The following VWA8 variants were observed in gnomAD, a reference collection of about 807,000 sequenced individuals.
VWA8 encodes the protein von Willebrand factor A domain-containing protein 8.
Under a neutral mutation model 241.5 loss-of-function variants are expected in VWA8, and 221 were observed. The ratio of observed to expected loss-of-function variants is 0.91; its 90% CI spans 0.82 to 1.02. The LOEUF is 1.02. VWA8 is among the 50% of genes least tolerant of loss of function. The pLI, the probability that VWA8 is intolerant of heterozygous loss-of-function variation, is 0.00. For missense variants in VWA8, 2,322 were observed against 2,328.7 expected (o/e 1.00, Z 0.06); for synonymous variants, 852 against 827.1 (o/e 1.03, Z -0.52).
intron 3 of VWA8, among the ~76,000 whole-genome samples, chr13:41,911,283 C>T (rs560093839): frequency 1.5e-4 from 23 of 152,128 alleles, no homozygotes; most frequent in African/African-American, 5.1e-4. Context: ...AGGCTGGTCT[C>T]GAACTCCTGA....
chr13:41,747,079 G>A (rs1410999398), intron 21 of VWA8, among the ~76,000 whole-genome samples: 3 of 152,108 alleles, frequency 2.0e-5, no homozygotes, highest in South Asian at 2.1e-4. Context: ...TTGGCAATGC[G>A]GGCTCTTTTT....
chr13:41,730,635 TGAAAA>T (rs1432192672), intron 22 of VWA8, among the ~76,000 whole-genome samples: 1 of 152,066 alleles, frequency 6.6e-6, no homozygotes. Context: ...GGTGACATCA[TGAAAA>T]GAAAGATGAA....
intron 21 of VWA8, among the ~76,000 whole-genome samples, chr13:41,746,875 A>G (rs1041315725): frequency 6.6e-5 from 10 of 151,990 alleles, no homozygotes; most frequent in African/African-American, 1.7e-4. Context: ...GATTGTAACA[A>G]TTGGTTTGAC....
intron 34 of VWA8, among the ~76,000 whole-genome samples, chr13:41,689,033 A>C (rs1440279426): frequency 6.6e-6 from 1 of 152,060 alleles, no homozygotes; most frequent in Non-Finnish European, 1.5e-5. Flanking sequence ...AACTTTAAAA[A>C]ATTATAGAAG....
intron 21 of VWA8, among the ~76,000 whole-genome samples, chr13:41,758,398 G>A (rs1162926570): frequency 2.6e-3 from 64 of 24,988 alleles, no homozygotes; most frequent in African/African-American, 4.1e-3. Context: ...ATATACGCTA[G>A]TATATATATA....
intron 17 of VWA8, chr13:41,807,820 C>A (rs1317396725): frequency 6.6e-6 from 1 of 152,098 alleles, no homozygotes. Context: ...TGGTAATCTC[C>A]CAGGAGCGGG....
At chr13:41,613,016 G>C (rs766125720) in intron 38 of VWA8, among the ~76,000 whole-genome samples, 3 of 152,084 alleles carry the variant, frequency 2.0e-5, no homozygotes, top group Non-Finnish European at 4.4e-5. Flanking sequence ...ATTAAACAAA[G>C]CCTAGTTACA....
intron 2 of VWA8, among the ~76,000 whole-genome samples, chr13:41,914,503 TCAAGA>T (rs1277956031): frequency 6.6e-6 from 1 of 152,196 alleles, no homozygotes; most frequent in Non-Finnish European, 1.5e-5. Context: ...CTTTCTTGCT[TCAAGA>T]CAAGTCAGCC....
At position 41,692,926 on chromosome 13, in the gene VWA8, C is replaced by T. The variant is rs368531097; in HGVS notation, c.3611G>A (p.Arg1204His). Residue 1204 changes from arginine (R) to histidine (H), a missense_variant, in exon 30 of 45, where the codon CGT (arginine) becomes CAT (histidine). Transcript: ENST00000379310. Reference sequence around the variant, plus strand: ...AAACTTCTCGGAAGGGAGGATGAGACGATGAAGGGCCCGGCCAGTAGTATC... The same window carrying T: ...AAACTTCTCGGAAGGGAGGATGAGATGATGAAGGGCCCGGCCAGTAGTATC... ...LLDTTGRALHRLILPSEKFTS... is the reference protein window; with the variant it reads ...LLDTTGRALHHLILPSEKFTS... 7.5e-6 allele frequency: 12 copies of T among 1,610,446 alleles called. No individual in the cohort carries two copies. The highest frequency in any genetic ancestry group is 2.2e-5 in the East Asian group (1 of 44,738).
chr13:41,570,511 C>A lies in VWA8; in HGVS notation c.5566G>T (p.Ala1856Ser). ...QILTRDPQVN[A>S]FAIFIGSLGD... ...AAAGAGCCAATAAAAATGGCAAAAG[C>A]ATTTACTTGAGGGTCTCTTGTGAGG... The change falls in exon 44 of 45, where the codon GCT (alanine) becomes TCT (serine). Residue 1856 changes from alanine to serine, a missense_variant. Ala to Ser is a moderately conservative substitution (Grantham distance 99). Transcript: ENST00000379310. 1 of 1,614,180 alleles carries A rather than the reference C, an allele frequency of 6.2e-7. No individual in the cohort carries two copies. The highest frequency in any genetic ancestry group is 8.5e-7 in the Non-Finnish European group (1 of 1,180,024).
intron 26 of VWA8, 100 bp from the exon 27 acceptor site, chr13:41,703,511 G>A (rs1372526369): frequency 6.1e-6 from 6 of 978,308 alleles, no homozygotes; most frequent in Non-Finnish European, 9.4e-6. Context: ...TAAATTTGAA[G>A]AGTGCTTTAC....
Position 41,567,805 on chromosome 13 carries a change from C to T in VWA8, c.*392G>A, listed in dbSNP as rs2044271058. The T allele has an allele frequency of 6.2e-6, 1 of 161,102 alleles. No individual in the cohort carries two copies. Among genetic ancestry groups the T allele is most frequent in the African/African-American group, 2.4e-5 (1 of 41,742 alleles). 10.0% of individuals were successfully genotyped at this position (161,102 alleles called of 1,614,324 possible). On this transcript the variant is annotated 3_prime_UTR_variant, in exon 45 of 45. Coordinates refer to ENST00000379310, the MANE Select transcript of VWA8 (RefSeq NM_015058.2). ...TTGTGTCAGAATGTGACATCAAAGG[C>T]TCAGTTTGATGGGGTCACTTTTCTA...
At chr13:41,863,028 A>G (rs1873076127) in intron 12 of VWA8, among the ~76,000 whole-genome samples, 1 of 152,154 alleles carries the variant, frequency 6.6e-6, no homozygotes, top group South Asian at 2.1e-4. Flanking sequence ...GATGCAAAGT[A>G]TTGATCCTGG....
intron 41 of VWA8, among the ~76,000 whole-genome samples, 173 bp downstream of exon 41, chr13:41,590,467 T>C (rs2044446733): frequency 6.6e-6 from 1 of 152,008 alleles, no homozygotes; most frequent in Non-Finnish European, 1.5e-5. Context: ...ATAAATAGTA[T>C]AATATTTATG....
intron 21 of VWA8, among the ~76,000 whole-genome samples, chr13:41,759,612 G>A (rs182108845): frequency 4.0e-5 from 6 of 151,292 alleles, no homozygotes; most frequent in South Asian, 2.1e-4. Flanking sequence ...CAATTATTCC[G>A]TCATTATGTT....
At chr13:41,762,506 A>G (rs2045748087) in intron 20 of VWA8, among the ~76,000 whole-genome samples, 1 of 152,134 alleles carries the variant, frequency 6.6e-6, no homozygotes, top group East Asian at 1.9e-4. Flanking sequence ...TCCCTGCATT[A>G]TGGAATATCT....
intron 5 of VWA8, among the ~76,000 whole-genome samples, chr13:41,889,401 CAG>C (rs1874711963): frequency 6.7e-6 from 1 of 148,566 alleles, no homozygotes; most frequent in Non-Finnish European, 1.5e-5. Context: ...TTTTTTCCGA[CAG>C]AGTCTCGCTC....
chr13:41,616,738 G>A (rs535073659), intron 37 of VWA8, among the ~76,000 whole-genome samples: 51 of 152,240 alleles, frequency 3.3e-4, no homozygotes, highest in African/African-American at 1.2e-3. Context: ...TGGCTTGTGC[G>A]ACTGAGGACC....
At chr13:41,740,479 G>A (rs1045985895) in intron 21 of VWA8, among the ~76,000 whole-genome samples, 9 of 152,168 alleles carry the variant, frequency 5.9e-5, no homozygotes, top group Non-Finnish European at 8.8e-5. Context: ...GACGGCTATC[G>A]CTGCAGAGCA....
Sources: gnomAD v4.1 joint callset for allele counts (sites outside exome capture counted in the v4.1 genomes callset) on GRCh38, gnomAD v4.1.1 for gene constraint, MANE v1.5 for transcripts, NCBI Gene and HGNC (gene_info 2026-07-23, HGNC 2026-07-21) for gene names.